CACNA2D3: variants seen among roughly 807,000 people sequenced by gnomAD.
CACNA2D3 encodes the protein calcium voltage-gated channel auxiliary subunit alpha2delta 3, also known as voltage-dependent calcium channel subunit alpha-2/delta-3.
Under a neutral mutation model 160.6 loss-of-function variants are expected in CACNA2D3, and 60 were observed. That is an observed-to-expected ratio of 0.37 (90% confidence interval 0.30 to 0.46). The LOEUF is 0.46. Among genes scored for constraint, CACNA2D3 ranks in the 20% least tolerant of loss-of-function variants. CACNA2D3 has a pLI of 1.00. For missense variants in CACNA2D3, 1,205 were observed against 1,365.0 expected (o/e 0.88, Z 1.85); for synonymous variants, 558 against 492.9 (o/e 1.13, Z -1.75).
chr3:54,985,588 G>T (rs930715058), intron 30 of CACNA2D3, among the ~76,000 whole-genome samples: 1 of 152,162 alleles, frequency 6.6e-6, no homozygotes, highest in African/African-American at 2.4e-5. Flanking sequence ...GTGCAATGAG[G>T]ATGGTTGACG....
At chr3:54,686,240 A>C (rs112740436) in intron 11 of CACNA2D3, among the ~76,000 whole-genome samples, 3 of 152,208 alleles carry the variant, frequency 2.0e-5, no homozygotes, top group Admixed American at 2.0e-4. Context: ...CTTTTTCACT[A>C]TGTGGCTGAG....
chr3:54,782,503 C>T (rs2107132052), intron 13 of CACNA2D3, among the ~76,000 whole-genome samples: 1 of 152,132 alleles, frequency 6.6e-6, no homozygotes, highest in African/African-American at 2.4e-5. Flanking sequence ...GGAGTGAATT[C>T]TTCCTTCGTT....
At chr3:55,022,636 T>C (rs1401463145) in intron 35 of CACNA2D3, among the ~76,000 whole-genome samples, 1 of 137,260 alleles carries the variant, frequency 7.3e-6, no homozygotes, top group Non-Finnish European at 1.6e-5. Flanking sequence ...TCCTCCTTCC[T>C]TCCCTCCTTC....
At chr3:54,272,133 CAT>C (rs1357285623) in intron 2 of CACNA2D3, among the ~76,000 whole-genome samples, 1 of 152,182 alleles carries the variant, frequency 6.6e-6, no homozygotes, top group Admixed American at 6.5e-5. Flanking sequence ...TACAGCTGGA[CAT>C]GGCCCCGCCA....
intron 10 of CACNA2D3, among the ~76,000 whole-genome samples, chr3:54,640,444 T>A (rs867308941): frequency 2.6e-5 from 4 of 152,200 alleles, no homozygotes; most frequent in Non-Finnish European, 5.9e-5. Flanking sequence ...GCATCATTAA[T>A]AGCATTAATT....
intron 11 of CACNA2D3, among the ~76,000 whole-genome samples, chr3:54,688,562 C>G (rs1700511263): frequency 6.6e-6 from 1 of 151,746 alleles, no homozygotes; most frequent in Non-Finnish European, 1.5e-5. Context: ...TTCTCCAAAA[C>G]TCAATATTTA....
intron 21 of CACNA2D3, 61 bp from the exon 22 acceptor site, chr3:54,885,220 A>G: frequency 6.3e-7 from 1 of 1,575,352 alleles, no homozygotes; most frequent in Non-Finnish European, 8.7e-7. Flanking sequence ...GAATATTTGA[A>G]GCACACAGGA....
chr3:54,308,434 C>A (rs189275360), intron 2 of CACNA2D3, among the ~76,000 whole-genome samples: 1 of 152,128 alleles, frequency 6.6e-6, no homozygotes, highest in African/African-American at 2.4e-5. Context: ...TCCCTCTCCC[C>A]CAATCGGCTG....
intron 4 of CACNA2D3, among the ~76,000 whole-genome samples, chr3:54,468,967 G>A (rs532401692): frequency 6.6e-6 from 1 of 152,304 alleles, no homozygotes; most frequent in Non-Finnish European, 1.5e-5. Context: ...CTGGTAAAGA[G>A]CACCTGGGGG....
intron 2 of CACNA2D3, among the ~76,000 whole-genome samples, chr3:54,158,873 T>A (rs1700290001): frequency 1.3e-5 from 2 of 152,208 alleles, no homozygotes; most frequent in Non-Finnish European, 2.9e-5. Flanking sequence ...TTGTCCTACC[T>A]CTGTGCACAT....
chr3:54,623,623 G>A (rs1321705107), intron 9 of CACNA2D3, among the ~76,000 whole-genome samples: 2 of 152,100 alleles, frequency 1.3e-5, no homozygotes, highest in African/African-American at 4.8e-5. Flanking sequence ...TTAGTCCATG[G>A]CTTGATAGGA....
intron 2 of CACNA2D3, among the ~76,000 whole-genome samples, chr3:54,247,768 G>A (rs1245782269): frequency 6.6e-6 from 1 of 152,080 alleles, no homozygotes; most frequent in Non-Finnish European, 1.5e-5. Flanking sequence ...GGAATGAAAA[G>A]GATTTGAAAT....
chr3:54,436,200 G>A (rs1029716439), intron 4 of CACNA2D3, among the ~76,000 whole-genome samples: 1 of 152,196 alleles, frequency 6.6e-6, no homozygotes, highest in Non-Finnish European at 1.5e-5. Flanking sequence ...CTGGTCATTA[G>A]AAAAATGCAA....
chr3:54,137,455 G>A (rs1699834609), intron 2 of CACNA2D3, among the ~76,000 whole-genome samples: 1 of 152,188 alleles, frequency 6.6e-6, no homozygotes, highest in Admixed American at 6.5e-5. Flanking sequence ...GTGAACATCA[G>A]TTTGAAAGAC....
At chr3:54,437,180 C>CTCTA (rs1231120254) in intron 4 of CACNA2D3, among the ~76,000 whole-genome samples, 4 of 152,152 alleles carry the variant, frequency 2.6e-5, no homozygotes, top group Non-Finnish European at 5.9e-5. Flanking sequence ...TGGTTACATA[C>CTCTA]TCTACATGGC....
At chr3:54,404,351 C>G (rs537871759) in intron 4 of CACNA2D3, among the ~76,000 whole-genome samples, 2 of 152,214 alleles carry the variant, frequency 1.3e-5, no homozygotes, top group South Asian at 4.1e-4. Flanking sequence ...ACAAATTAAT[C>G]AATGTGATAC....
intron 18 of CACNA2D3, 62 bp downstream of exon 18, chr3:54,871,684 G>A (rs1699538422): frequency 1.5e-6 from 2 of 1,319,560 alleles, no homozygotes; most frequent in South Asian, 1.2e-5. Context: ...TTCTGTACCT[G>A]GGGGCGATCC....
chr3:54,656,781 A>G (rs957374494), intron 11 of CACNA2D3, among the ~76,000 whole-genome samples: 3 of 152,246 alleles, frequency 2.0e-5, no homozygotes, highest in Non-Finnish European at 4.4e-5. Context: ...CCTGTTCTCC[A>G]CACAGCAGCA....
chr3:54,270,536 C>T (rs1702601263), intron 2 of CACNA2D3, among the ~76,000 whole-genome samples: 1 of 150,708 alleles, frequency 6.6e-6, no homozygotes, highest in Non-Finnish European at 1.5e-5. Flanking sequence ...TCTACTCCTG[C>T]ATAACAATTT....
Sources: allele counts gnomAD v4.1 joint callset (sites outside exome capture counted in the v4.1 genomes callset), GRCh38; gene constraint gnomAD v4.1.1; transcripts MANE v1.5; gene names NCBI Gene and HGNC (gene_info 2026-07-23, HGNC 2026-07-21).